Variants in ENTREP2 observed in about 807,000 individuals in gnomAD.
The protein encoded by ENTREP2 is protein ENTREP2.
chr15:29,662,480 C>A, the ENTREP2 span, among the ~76,000 whole-genome samples: 2 of 152,026 alleles, frequency 1.3e-5, no homozygotes, highest in African/African-American at 4.8e-5. Context: ...TATTCATGAC[C>A]ATCCTCGCCC....
the ENTREP2 span, chr15:29,122,101 G>T: frequency 6.6e-6 from 1 of 152,238 alleles, no homozygotes; most frequent in Non-Finnish European, 1.5e-5. Flanking sequence ...GTTCACCGCA[G>T]GGCCCACCCA....
chr15:29,549,326 G>A, the ENTREP2 span, among the ~76,000 whole-genome samples: 1 of 151,470 alleles, frequency 6.6e-6, no homozygotes, highest in African/African-American at 2.4e-5. Context: ...CTGGAGTGCA[G>A]TGGTGTGATA....
the ENTREP2 span, among the ~76,000 whole-genome samples, chr15:29,657,262 T>G: frequency 2.6e-5 from 4 of 151,524 alleles, no homozygotes; most frequent in Admixed American, 1.3e-4. Context: ...GGTTTCACCG[T>G]ATTAGCCAGG....
chr15:29,613,465 G>A, the ENTREP2 span: 2 of 429,576 alleles, frequency 4.7e-6, no homozygotes, highest in Admixed American at 2.8e-5. Context: ...TCTGGAATGG[G>A]CACCCTCCTC....
At chr15:29,543,178 A>G in the ENTREP2 span, among the ~76,000 whole-genome samples, 2 of 152,202 alleles carry the variant, frequency 1.3e-5, no homozygotes, top group Non-Finnish European at 2.9e-5. Flanking sequence ...TGTGATTTAC[A>G]ACAGGAGGTA....
At chr15:29,498,372 A>C in the ENTREP2 span, among the ~76,000 whole-genome samples, 9 of 152,062 alleles carry the variant, frequency 5.9e-5, no homozygotes, top group East Asian at 1.7e-3. Flanking sequence ...TAATTTTCCT[A>C]CTGATTTCTT....
chr15:29,191,859 A>G, the ENTREP2 span, among the ~76,000 whole-genome samples: 2 of 152,178 alleles, frequency 1.3e-5, no homozygotes, highest in Non-Finnish European at 2.9e-5. Context: ...GGCTGCAGTG[A>G]GCCGTGATCA....
chr15:29,159,753 T>C, the ENTREP2 span, among the ~76,000 whole-genome samples: 1 of 152,340 alleles, frequency 6.6e-6, no homozygotes, highest in Admixed American at 6.5e-5. Context: ...GGGTGCTGAT[T>C]GGTGTGTTTA....
the ENTREP2 span, among the ~76,000 whole-genome samples, chr15:29,640,507 T>A: frequency 6.6e-6 from 1 of 151,524 alleles, no homozygotes; most frequent in Non-Finnish European, 1.5e-5. Flanking sequence ...ATACAAAAAA[T>A]AAAAATTAGC....
the ENTREP2 span, among the ~76,000 whole-genome samples, chr15:29,435,022 ATTTAACTG>A: frequency 3.2e-4 from 48 of 152,156 alleles, no homozygotes; most frequent in African/African-American, 1.1e-3. Context: ...TCCTGCAACT[ATTTAACTG>A]TGGTCTGTTT....
the ENTREP2 span, among the ~76,000 whole-genome samples, chr15:29,527,348 A>G: frequency 6.6e-6 from 1 of 152,164 alleles, no homozygotes. Flanking sequence ...ATGGGAAAAT[A>G]CCTTTGAGAA....
chr15:29,657,053 C>T, the ENTREP2 span, among the ~76,000 whole-genome samples: 3 of 152,024 alleles, frequency 2.0e-5, no homozygotes, highest in South Asian at 6.2e-4. Context: ...AGTGTTACAG[C>T]TCTTTTCTTT....
the ENTREP2 span, among the ~76,000 whole-genome samples, chr15:29,602,470 A>C: frequency 1.1e-3 from 175 of 152,314 alleles, 1 homozygote; most frequent in African/African-American, 3.3e-3. Flanking sequence ...TCAGAATTCT[A>C]ACAACTATTG....
chr15:29,594,654 G>T, the ENTREP2 span, among the ~76,000 whole-genome samples: 1 of 152,066 alleles, frequency 6.6e-6, no homozygotes, highest in African/African-American at 2.4e-5. Context: ...AATCTGATTT[G>T]CTTTTTAAAA....
the ENTREP2 span, among the ~76,000 whole-genome samples, chr15:29,306,909 C>T: frequency 6.6e-5 from 10 of 150,406 alleles, no homozygotes; most frequent in South Asian, 4.2e-4. Context: ...CCATGCCTGA[C>T]TAATTTTTTG....
chr15:29,645,260 C>T, the ENTREP2 span, among the ~76,000 whole-genome samples: 39 of 152,156 alleles, frequency 2.6e-4, no homozygotes, highest in Non-Finnish European at 3.7e-4. Context: ...CTCAGTTAAC[C>T]TAGAATTAAG....
chr15:29,136,244 G>A, the ENTREP2 span: 5 of 1,089,138 alleles, frequency 4.6e-6, no homozygotes, highest in Admixed American at 7.0e-5. Flanking sequence ...GGGCGCTCAT[G>A]AGTGTTCACC....
At chr15:29,210,904 A>G in the ENTREP2 span, among the ~76,000 whole-genome samples, 1 of 152,158 alleles carries the variant, frequency 6.6e-6, no homozygotes, top group Non-Finnish European at 1.5e-5. Flanking sequence ...TTCTCTAACT[A>G]TCTCTTATCC....
At chr15:29,325,170 G>A in the ENTREP2 span, among the ~76,000 whole-genome samples, 1 of 152,122 alleles carries the variant, frequency 6.6e-6, no homozygotes, top group Admixed American at 6.5e-5. Flanking sequence ...TCACTATTGT[G>A]TATAGCAAAA....
Sources: gnomAD v4.1 joint callset for allele counts (sites outside exome capture counted in the v4.1 genomes callset) on GRCh38, gnomAD v4.1.1 for gene constraint, MANE v1.5 for transcripts, NCBI Gene and HGNC (gene_info 2026-07-23, HGNC 2026-07-21) for gene names.